GLIS3: variants seen among roughly 807,000 people sequenced by gnomAD.
The protein encoded by GLIS3 is zinc finger protein GLIS3.
Under a neutral mutation model 78.6 loss-of-function variants are expected in GLIS3, and 53 were observed. That is an observed-to-expected ratio of 0.67 (90% CI 0.54 to 0.85). GLIS3 has a LOEUF of 0.85. Ranked by LOEUF, GLIS3 falls within the 40% of genes least tolerant of loss-of-function variation. GLIS3 has a pLI of 0.00. For synonymous variants in GLIS3, 684 were observed against 509.9 expected (o/e 1.34, Z -4.60); for missense variants, 1,703 against 1,231.1 (o/e 1.38, Z -5.74).
chr9:3,985,482 T>A (rs1167107566), intron 4 of GLIS3, among the ~76,000 whole-genome samples: 1 of 152,188 alleles, frequency 6.6e-6, no homozygotes. Context: ...CCTGTCAGAA[T>A]GAAACTTCTA....
intron 2 of GLIS3, among the ~76,000 whole-genome samples, chr9:4,335,567 T>TC (rs1003641457): frequency 1.4e-4 from 21 of 152,288 alleles, no homozygotes; most frequent in African/African-American, 4.8e-4. Flanking sequence ...GGTGTCTATC[T>TC]CCCTCACCAG....
chr9:3,853,942 C>CTAGA (rs1819595863), intron 9 of GLIS3, among the ~76,000 whole-genome samples: 1 of 152,196 alleles, frequency 6.6e-6, no homozygotes, highest in Non-Finnish European at 1.5e-5. Context: ...CTCCATTACT[C>CTAGA]TAGATAGCAC....
In GLIS3 at chr9:4,243,413, CAT is replaced by C. The variant is rs1234741487; in HGVS notation, c.388+42623_388+42624del. Among the ~76,000 whole-genome samples the C allele has an allele frequency of 2.6e-5, 4 of 152,096 alleles. No individual in the cohort carries two copies. In the East Asian group the frequency reaches 7.7e-4, roughly 29 times the overall value. On this transcript the variant is annotated intron_variant, in intron 2 of 10. Transcript: ENST00000381971. ...ACACATACACGCACACACACACACA[CAT>C]ACGCATAGAGTACTAACACAGGTAT...
intron 2 of GLIS3, among the ~76,000 whole-genome samples, chr9:4,248,339 T>C (rs768750143): frequency 3.3e-5 from 5 of 152,270 alleles, no homozygotes; most frequent in East Asian, 1.9e-4. Context: ...ACATGTGGTA[T>C]TGGGTTTTCT....
chr9:4,118,201 C>G lies in GLIS3; in HGVS notation c.1277G>C (p.Gly426Ala), dbSNP rs1418412578. 1 of 1,584,940 alleles carries G rather than the reference C, an allele frequency of 6.3e-7. No individual in the cohort carries two copies. Among genetic ancestry groups the G allele is most frequent in the East Asian group, 2.3e-5 (1 of 44,254 alleles). ...CTCCAGGCGTTCGGTCTTGAACAGG[C>G]CGGCCGACTGGCTGTCGGGGCCCGG... is the stretch of plus-strand genomic sequence containing the variant. The part of the protein sequence containing the change: ...GLPGPDSQSA[G>A]LFKTERLEEF... The change falls in exon 4 of 11, where the codon GGC (glycine) becomes GCC (alanine). Residue 426 changes from glycine (G) to alanine (A), a missense_variant. By Grantham distance (60) the Gly-to-Ala change is moderately conservative. Transcript: ENST00000381971. This position sits in a 1 kb window ranked among gnomAD's most constrained non-coding sequence, Gnocchi z 4.7.
the GLIS3 span, among the ~76,000 whole-genome samples, chr9:4,471,062 C>G: frequency 6.6e-6 from 1 of 151,868 alleles, no homozygotes; most frequent in Non-Finnish European, 1.5e-5. Flanking sequence ...TGTGAAGGAC[C>G]TCTTCAAGGA....
intron 2 of GLIS3, among the ~76,000 whole-genome samples, chr9:4,249,209 G>T (rs542496865): frequency 1.1e-4 from 17 of 152,220 alleles, no homozygotes; most frequent in Admixed American, 5.9e-4. Flanking sequence ...AAATTACTTT[G>T]GGTAGTATGG....
intron 2 of GLIS3, among the ~76,000 whole-genome samples, chr9:4,331,481 C>A (rs1457012515): frequency 6.6e-6 from 1 of 152,182 alleles, no homozygotes; most frequent in East Asian, 1.9e-4. Context: ...AAGCTACCAT[C>A]ACTCAACTTC....
intron 4 of GLIS3, among the ~76,000 whole-genome samples, chr9:4,030,671 T>C (rs1011096849): frequency 6.6e-6 from 1 of 152,176 alleles, no homozygotes; most frequent in Non-Finnish European, 1.5e-5. Context: ...GCACCATTTA[T>C]TGAAGAGAAT....
intron 2 of GLIS3, among the ~76,000 whole-genome samples, chr9:4,153,905 T>C (rs1834864969): frequency 6.6e-6 from 1 of 152,198 alleles, no homozygotes; most frequent in Non-Finnish European, 1.5e-5. Flanking sequence ...TCAGGATGCT[T>C]CTCATTTGGG....
chr9:4,160,453 G>A (rs568116777), intron 2 of GLIS3, among the ~76,000 whole-genome samples: 120 of 152,280 alleles, frequency 7.9e-4, no homozygotes, highest in African/African-American at 2.9e-3. Context: ...TACATCTCCC[G>A]CACAGCGGCA....
the GLIS3 span, among the ~76,000 whole-genome samples, chr9:4,355,197 G>T: frequency 6.6e-6 from 1 of 152,052 alleles, no homozygotes; most frequent in East Asian, 1.9e-4. Flanking sequence ...AGTAGAGTTG[G>T]AAAGTGTCCT....
At chr9:4,180,656 G>C (rs561378838) in intron 2 of GLIS3, among the ~76,000 whole-genome samples, 2 of 152,030 alleles carry the variant, frequency 1.3e-5, no homozygotes, top group African/African-American at 4.8e-5. Flanking sequence ...TCTTAAAAGG[G>C]GGTAGCATAA....
At chr9:4,180,270 C>G (rs536468115) in intron 2 of GLIS3, among the ~76,000 whole-genome samples, 1 of 152,268 alleles carries the variant, frequency 6.6e-6, no homozygotes, top group East Asian at 1.9e-4. Flanking sequence ...CAAAGCTACT[C>G]CGGTCCTAGG....
intron 2 of GLIS3, among the ~76,000 whole-genome samples, chr9:4,331,726 A>C (rs1355555131): frequency 6.6e-6 from 1 of 152,198 alleles, no homozygotes. Context: ...GTGTGAGCCA[A>C]AGTTTCCCAA....
chr9:4,254,000 T>G (rs1227319101), intron 2 of GLIS3, among the ~76,000 whole-genome samples: 1 of 152,182 alleles, frequency 6.6e-6, no homozygotes, highest in Non-Finnish European at 1.5e-5. Context: ...AAAAATCACC[T>G]GCCTTCTGCC....
intron 8 of GLIS3, among the ~76,000 whole-genome samples, chr9:3,876,355 G>C (rs1451235531): frequency 6.6e-6 from 1 of 151,770 alleles, no homozygotes; most frequent in Non-Finnish European, 1.5e-5. Flanking sequence ...ATCCCTATTA[G>C]ATCCCTGAAT....
the GLIS3 span, among the ~76,000 whole-genome samples, chr9:4,357,393 G>A: frequency 1.3e-5 from 2 of 152,122 alleles, no homozygotes; most frequent in African/African-American, 2.4e-5. Flanking sequence ...TTTCAAGCTG[G>A]GAAATCAGTC....
intron 2 of GLIS3, among the ~76,000 whole-genome samples, chr9:4,173,587 CACACACACACACACATAT>C (rs1366586891): frequency 7.5e-4 from 86 of 114,988 alleles, no homozygotes; most frequent in African/African-American, 2.2e-3. Flanking sequence ...CACACACACA[CACACACACACACACATAT>C]ATATGTTTGT....
Sources: gnomAD v4.1 joint callset for allele counts (sites outside exome capture counted in the v4.1 genomes callset) on GRCh38, gnomAD v4.1.1 for gene constraint, Gnocchi (gnomAD v3.1) non-coding constraint, MANE v1.5 for transcripts, NCBI Gene and HGNC (gene_info 2026-07-23, HGNC 2026-07-21) for gene names.